The following LRRN4 variants were observed in gnomAD, a reference collection of about 807,000 sequenced individuals.
The protein encoded by LRRN4 is leucine rich repeat neuronal 4.
Under a neutral mutation model 22.3 loss-of-function variants are expected in LRRN4, and 26 were observed. That is an observed-to-expected ratio of 1.16 (90% CI 0.85 to 1.62). LRRN4 has a LOEUF of 1.62. LRRN4 is among the 40% of genes most tolerant of loss of function. LRRN4 has a pLI of 0.00. For missense variants in LRRN4, 1,070 were observed against 1,008.5 expected, an observed-to-expected ratio of 1.06 and a Z score of -0.83; for synonymous variants, 496 against 486.2, an observed-to-expected ratio of 1.02 and a Z score of -0.26.
In LRRN4 at chr20:6,052,324, C is replaced by T; in HGVS notation, c.476G>A (p.Arg159Gln). The T allele has an allele frequency of 1.3e-6, 2 of 1,514,246 alleles. No homozygotes were observed. Among genetic ancestry groups the T allele is most frequent in the East Asian group, 2.6e-5 (1 of 37,932 alleles). The allele number at this position is 1,514,246 out of a possible 1,614,324, so 93.8% of individuals were successfully genotyped here. ...RALALAGNPL[R>Q]ALQPRAFACF... ...GGCGAAGGCCCGGGGCTGCAGCGCC[C>T]GCAGCGGATTCCCGGCGAGCGCCAG... Residue 159 changes from arginine to glutamine, a missense_variant, in exon 2 of 5, where the codon CGG becomes CAG. Transcript: ENST00000378858.
In LRRN4 at chr20:6,050,967, G is replaced by T. The variant is rs1213019980; in HGVS notation, c.672C>A (p.Ile224=). Residue 224 remains isoleucine, a synonymous_variant, in exon 3 of 5, where the codon ATC becomes ATA. Transcript: ENST00000378858. ...GGGATGTGAGCTTCGGCAGGTCTCT[G>T]ATCCACCCTGACTCAACTGAAACAC... is the stretch of plus-strand genomic sequence containing the variant. The part of the protein sequence containing the change: ...TFLERVESGW[I]RDLPKLTSLY... 6.2e-7 allele frequency: 1 copy of T among 1,613,910 alleles called. No individual in the cohort carries two copies. The highest frequency in any genetic ancestry group is 8.5e-7 in the Non-Finnish European group (1 of 1,179,974).
chr20:6,049,168 T>G (rs1981182970), intron 3 of LRRN4, among the ~76,000 whole-genome samples: 1 of 152,182 alleles, frequency 6.6e-6, no homozygotes, highest in Non-Finnish European at 1.5e-5. Context: ...TCTTCTGACA[T>G]TCACCCGGTG....
rs770765860 is a variant in LRRN4 at position 6,042,917 on chromosome 20, T to C, written c.999-671A>G. ...CTGGGCAACAGAGGGAGACTCTGTC[T>C]CAAAAAAAAAAAAAAAAAAATACTC... On this transcript the variant is annotated intron_variant, in intron 4 of 4. Transcript: ENST00000378858. Among the ~76,000 whole-genome samples, 152 of 53,164 alleles carry C rather than the reference T, an allele frequency of 2.9e-3. 1 individual carries two copies. Among genetic ancestry groups the C allele is most frequent in the Admixed American group, 4.2e-3 (25 of 6,016 alleles). 34.9% of individuals were successfully genotyped at this position (53,164 alleles called of 152,430 possible).
chr20:6,050,164 G>C (rs1256973809), intron 3 of LRRN4, among the ~76,000 whole-genome samples: 1 of 152,218 alleles, frequency 6.6e-6, no homozygotes, highest in Admixed American at 6.5e-5. Context: ...GCTCAAAGGA[G>C]TCTGAGCCAG....
intron 1 of LRRN4, among the ~76,000 whole-genome samples, 156 bp from the exon 2 acceptor site, chr20:6,052,960 G>C (rs983941060): frequency 1.3e-4 from 20 of 152,096 alleles, no homozygotes; most frequent in African/African-American, 4.6e-4. Flanking sequence ...GTCGCCTAGT[G>C]TGCAGTGACC....
chr20:6,041,682 G>A lies in LRRN4; in HGVS notation c.1563C>T (p.Val521=), dbSNP rs1980956617. 1 of 1,612,890 alleles carries A rather than the reference G, an allele frequency of 6.2e-7. No homozygotes were observed. Among genetic ancestry groups the A allele is most frequent in the Non-Finnish European group, 8.5e-7 (1 of 1,179,338 alleles). Residue 521 remains valine (V), a synonymous_variant, in exon 5 of 5, where the codon GTC becomes GTT. Coordinates refer to ENST00000378858, the MANE Select transcript of LRRN4 (RefSeq NM_152611.5). This position sits in a 1 kb window ranked among gnomAD's most constrained non-coding sequence, Gnocchi z 9.4. ...NPSLSEGEIP[V]LLLDDYSEEE... is the part of the protein sequence containing the mutation. ...CCTCACTGTAGTCGTCCAGCAGCAA[G>A]ACTGGAATCTCGCCCTCGGAAAGAC...
In LRRN4 at chr20:6,041,292, C is replaced by T. The variant is rs748221076; in HGVS notation, c.1953G>A (p.Val651=). ...TCAAGCCCGCCCTGTTGGCCGCCAG[C>T]ACGCACACGCGGTAGGTGGTGCCCG... ...LSPGTTYRVC[V]LAANRAGLSQ... The change falls in exon 5 of 5, where the codon GTG becomes GTA. Residue 651 remains valine (V), a synonymous_variant. Coordinates refer to ENST00000378858, the MANE Select transcript of LRRN4 (RefSeq NM_152611.5). The surrounding 1 kb of genome is among the most constrained non-coding windows in gnomAD (Gnocchi z 9.4). The T allele has an allele frequency of 6.3e-7, 1 of 1,593,366 alleles. No individual in the cohort carries two copies. Among genetic ancestry groups the T allele is most frequent in the Non-Finnish European group, 8.5e-7 (1 of 1,173,124 alleles).
chr20:6,043,421 A>C (rs568791920), intron 4 of LRRN4, among the ~76,000 whole-genome samples: 4 of 152,096 alleles, frequency 2.6e-5, no homozygotes, highest in Non-Finnish European at 5.9e-5. Flanking sequence ...TCTCTAAAAT[A>C]AATTAATAAA....
rs1161839343 is a variant in LRRN4, at chr20:6,041,646, CCCTT to C, written c.1595_1598del (p.Glu532GlyfsTer56). On this transcript the variant is annotated frameshift_variant, in exon 5 of 5. Coordinates refer to ENST00000378858, the MANE Select transcript of LRRN4 (RefSeq NM_152611.5). LOFTEE classifies it low-confidence loss of function (END_TRUNC). This position sits in a 1 kb window ranked among gnomAD's most constrained non-coding sequence, Gnocchi z 9.4. ...GAGGCGTTCCCACCTCCTCCTTCCT[CCCTT>C]CCTCCTCCTCACTGTAGTCGTCCAG... The C allele has an allele frequency of 5.0e-6, 8 of 1,606,130 alleles. No individual in the cohort carries two copies. In the Admixed American group the frequency reaches 1.3e-4, roughly 27 times the overall value.
In LRRN4 at chr20:6,042,892, C is replaced by T. The variant is rs141181714; in HGVS notation, c.999-646G>A. Among the ~76,000 whole-genome samples the T allele has an allele frequency of 3.3e-3, 478 of 143,216 alleles. 18 individuals are homozygous for T. In the East Asian group the frequency reaches 0.085, roughly 25 times the overall value. The allele number at this position is 143,216 out of a possible 152,430, so 94.0% of individuals were successfully genotyped here. A position where few individuals can be genotyped will look rare whatever the true frequency, so the allele number is the denominator to read the frequency against. ...TGAGATTGCACCACTGCACTCCAGC[C>T]TGGGCAACAGAGGGAGACTCTGTCT... On this transcript the variant is annotated intron_variant, in intron 4 of 4. Coordinates refer to ENST00000378858, the MANE Select transcript of LRRN4 (RefSeq NM_152611.5).
At chr20:6,053,647 A>AT (rs1455657060) in intron 1 of LRRN4, among the ~76,000 whole-genome samples, 183 bp downstream of exon 1, 1 of 152,066 alleles carries the variant, frequency 6.6e-6, no homozygotes, top group Non-Finnish European at 1.5e-5. Context: ...ACTGCTCCAT[A>AT]TCCCTCATCA....
rs376651844 is a variant in LRRN4 at position 6,045,378 on chromosome 20, C to A, written c.861-698G>T. ...ACTTGAGCCTGGGAGGCAGAGGTTG[C>A]GGTGAGCCAAGAGCACACCACTACC... On this transcript the variant is annotated intron_variant, in intron 3 of 4. Coordinates refer to ENST00000378858, the MANE Select transcript of LRRN4 (RefSeq NM_152611.5). 6.7e-5 allele frequency among the ~76,000 whole-genome samples: 10 copies of A among 148,290 alleles called. 1 individual carries two copies. The highest frequency in any genetic ancestry group is 2.5e-4 in the African/African-American group (10 of 40,808).
chr20:6,045,362 T>C (rs1248770804), intron 3 of LRRN4, among the ~76,000 whole-genome samples: 1 of 148,346 alleles, frequency 6.7e-6, no homozygotes, highest in Non-Finnish European at 1.5e-5. Context: ...CACTTGAGCC[T>C]GGGAGGCAGA....
chr20:6,047,860 A>T (rs987958354), intron 3 of LRRN4, among the ~76,000 whole-genome samples: 7 of 152,008 alleles, frequency 4.6e-5, no homozygotes, highest in African/African-American at 1.5e-4. Flanking sequence ...AAATGAAAAT[A>T]AGACCTCCCT....
intron 3 of LRRN4, among the ~76,000 whole-genome samples, chr20:6,047,425 T>TACACACTCACAC (rs1160176493): frequency 1.1e-4 from 14 of 128,480 alleles, no homozygotes; most frequent in African/African-American, 3.7e-4. Context: ...CAGACACACA[T>TACACACTCACAC]ACACACACAC....
At position 6,042,186 on chromosome 20, in the gene LRRN4, CAGGG is replaced by C. The variant is rs760454809; in HGVS notation, c.1055_1058del (p.Ser352CysfsTer65). On this transcript the variant is annotated frameshift_variant, in exon 5 of 5. Transcript: ENST00000378858. LOFTEE classifies it low-confidence loss of function (END_TRUNC). The stretch of plus-strand genomic sequence containing the variant: ...ACACTCCGGGCAGCTGGGAGAGTGA[CAGGG>C]AGGCTGAGAAGGGGCCGCTGGATCC... 1.1e-5 allele frequency: 17 copies of C among 1,613,878 alleles called. No homozygotes were observed. The African/African-American group carries it at 1.7e-4, about 16-fold the overall frequency.
At chr20:6,052,933 G>A in intron 1 of LRRN4, 129 bp from the exon 2 acceptor site, 1 of 993,750 alleles carries the variant, frequency 1.0e-6, no homozygotes, top group Non-Finnish European at 1.4e-6. Flanking sequence ...CCTGCAGGGC[G>A]GGGAGACGTT....
chr20:6,041,550 C>G lies in LRRN4; in HGVS notation c.1695G>C (p.Arg565=). Residue 565 remains arginine, a synonymous_variant, in exon 5 of 5, where the codon CGG becomes CGC. Coordinates refer to ENST00000378858, the MANE Select transcript of LRRN4 (RefSeq NM_152611.5). This position sits in a 1 kb window ranked among gnomAD's most constrained non-coding sequence, Gnocchi z 9.4. Reference sequence around the variant, plus strand: ...TGAGGCCGGGGCACCGGCACCGCCACCGCCTCTGCAGCTCCGCGCACGGGG... The same window carrying G: ...TGAGGCCGGGGCACCGGCACCGCCAGCGCCTCTGCAGCTCCGCGCACGGGG... ...LQTPCAELQR[R]WRCRCPGLSG... is the part of the protein sequence containing the mutation. 6.4e-7 allele frequency: 1 copy of G among 1,552,220 alleles called. No individual in the cohort carries two copies. The highest frequency in any genetic ancestry group is 2.3e-5 in the East Asian group (1 of 44,322).
Position 6,041,184 on chromosome 20 carries a change from C to T in LRRN4, c.2061G>A (p.Leu687=). ...KPSFALLLSG[L]CAASGLLLAS... ...CGAGCAACAGGCCGCTGGCGGCGCACAGCCCAGAGAGCAGGAGCGCGAAGC... is the reference window on the plus strand; with the variant it reads ...CGAGCAACAGGCCGCTGGCGGCGCATAGCCCAGAGAGCAGGAGCGCGAAGC... Residue 687 remains leucine (L), a synonymous_variant, in exon 5 of 5, where the codon CTG becomes CTA. Transcript: ENST00000378858. This position sits in a 1 kb window ranked among gnomAD's most constrained non-coding sequence, Gnocchi z 9.4. 2 of 1,598,076 alleles carry T rather than the reference C, an allele frequency of 1.3e-6. No individual in the cohort carries two copies. The highest frequency in any genetic ancestry group is 1.7e-6 in the Non-Finnish European group (2 of 1,171,940).
Sources: allele counts gnomAD v4.1 joint callset (sites outside exome capture counted in the v4.1 genomes callset), GRCh38; gene constraint gnomAD v4.1.1; non-coding constraint Gnocchi (gnomAD v3.1); transcripts MANE v1.5; gene names NCBI Gene and HGNC (gene_info 2026-07-23, HGNC 2026-07-21).